The following IGF1R variants were observed in gnomAD, a reference collection of about 807,000 sequenced individuals.
IGF1R encodes insulin like growth factor 1 receptor.
A neutral mutation model predicts 144.6 loss-of-function variants in IGF1R; 44 were observed. That is an observed-to-expected ratio of 0.30 (90% CI 0.24 to 0.39). The LOEUF is 0.39. Ranked by LOEUF, IGF1R falls within the 10% of genes least tolerant of loss-of-function variation. The probability of loss-of-function intolerance (pLI) is 1.00; values close to 1 mark genes in which losing one functional copy is unlikely to be tolerated. For synonymous variants in IGF1R, 795 were observed against 722.8 expected (o/e 1.10, Z -1.60); for missense variants, 1,355 against 1,833.7 (o/e 0.74, Z 4.77).
chr15:98,845,350 C>T (rs993334096), intron 2 of IGF1R, among the ~76,000 whole-genome samples: 27 of 151,516 alleles, frequency 1.8e-4, no homozygotes, highest in African/African-American at 5.6e-4. Context: ...TCTCTCCCAA[C>T]TTCCCTTCTC....
Position 98,922,268 on chromosome 15 carries a change from G to A in IGF1R, c.2322G>A (p.Glu774=), listed in dbSNP as rs2151690918. Residue 774 remains glutamate, a synonymous_variant, in exon 11 of 21, where the codon GAG becomes GAA. Coordinates refer to ENST00000650285, the MANE Select transcript of IGF1R (RefSeq NM_000875.5). ...CCGACCCGGAAGAGCTGGAGACAGA[G>A]TACCCTTTCTTTGAGAGCAGAGTGG... The part of the protein sequence containing the change: ...NITDPEELET[E]YPFFESRVDN... 1.2e-6 allele frequency: 2 copies of A among 1,614,200 alleles called. No homozygotes were observed. Among genetic ancestry groups the A allele is most frequent in the Non-Finnish European group, 1.7e-6 (2 of 1,180,040 alleles).
intron 13 of IGF1R, among the ~76,000 whole-genome samples, chr15:98,926,241 CT>C (rs1687390026): frequency 6.6e-6 from 1 of 152,178 alleles, no homozygotes; most frequent in Admixed American, 6.5e-5. Flanking sequence ...ACCACATGAT[CT>C]TTCTGATAAT....
chr15:98,917,185 C>CA (rs2015293583), intron 10 of IGF1R, among the ~76,000 whole-genome samples: 1 of 152,094 alleles, frequency 6.6e-6, no homozygotes, highest in Non-Finnish European at 1.5e-5. Flanking sequence ...AGGGGAAACT[C>CA]AAAGAGTATT....
At chr15:98,883,702 G>T (rs540752363) in intron 2 of IGF1R, among the ~76,000 whole-genome samples, 1 of 152,302 alleles carries the variant, frequency 6.6e-6, no homozygotes, top group South Asian at 2.1e-4. Flanking sequence ...TCCTCCTCCT[G>T]TGCCAGCCGT....
intron 2 of IGF1R, among the ~76,000 whole-genome samples, chr15:98,848,381 G>T (rs2011416780): frequency 6.6e-6 from 1 of 152,166 alleles, no homozygotes; most frequent in South Asian, 2.1e-4. Flanking sequence ...CTCTCTATGG[G>T]TTTTAGAGCT....
intron 1 of IGF1R, among the ~76,000 whole-genome samples, chr15:98,679,749 C>G (rs984142286): frequency 1.3e-5 from 2 of 152,124 alleles, no homozygotes; most frequent in African/African-American, 4.8e-5. Context: ...TAGCCTCAGG[C>G]AGGTCCTTCA....
At chr15:98,782,365 T>C (rs952447890) in intron 2 of IGF1R, among the ~76,000 whole-genome samples, 14 of 152,186 alleles carry the variant, frequency 9.2e-5, no homozygotes, top group Non-Finnish European at 1.8e-4. Context: ...TTTATGTTTT[T>C]TTTACAATGA....
chr15:98,768,764 A>C (rs1372266863), intron 2 of IGF1R, among the ~76,000 whole-genome samples: 26 of 4,930 alleles, frequency 5.3e-3, no homozygotes, highest in Admixed American at 0.02. Context: ...CTAAAAATAC[A>C]AAAAAAAAAA....
chr15:98,854,693 C>T (rs925447861), intron 2 of IGF1R, among the ~76,000 whole-genome samples: 2 of 152,090 alleles, frequency 1.3e-5, no homozygotes, highest in South Asian at 2.1e-4. Flanking sequence ...CCAGGGCAGG[C>T]GGGTCTGGGA....
intron 2 of IGF1R, among the ~76,000 whole-genome samples, chr15:98,857,136 C>A (rs1267623223): frequency 6.6e-6 from 1 of 152,036 alleles, no homozygotes; most frequent in Non-Finnish European, 1.5e-5. Flanking sequence ...CAGTTGTGTG[C>A]AGTTGGAAAG....
chr15:98,664,481 A>G (rs1050177915), intron 1 of IGF1R, among the ~76,000 whole-genome samples: 5 of 152,110 alleles, frequency 3.3e-5, no homozygotes, highest in Non-Finnish European at 4.4e-5. Flanking sequence ...CCTGGCTAAC[A>G]TGGTGAAACC....
intron 2 of IGF1R, among the ~76,000 whole-genome samples, chr15:98,745,348 A>T (rs1248228179): frequency 6.6e-6 from 1 of 152,192 alleles, no homozygotes; most frequent in Non-Finnish European, 1.5e-5. Flanking sequence ...GCACTTCCCC[A>T]CTAGTGGCCC....
chr15:98,649,632 G>A lies in IGF1R; in HGVS notation c.51G>A (p.Leu17=). 6.2e-7 allele frequency: 1 copy of A among 1,607,742 alleles called. No homozygotes were observed. Among genetic ancestry groups the A allele is most frequent in the Non-Finnish European group, 8.5e-7 (1 of 1,178,690 alleles). The part of the protein sequence containing the change: ...GGSPTSLWGL[L]FLSAALSLWP... The stretch of plus-strand genomic sequence containing the variant: ...CCCCGACCTCGCTGTGGGGGCTCCT[G>A]TTTCTCTCCGCCGCGCTCTCGCTCT... The change falls in exon 1 of 21, where the codon CTG becomes CTA. Residue 17 remains leucine (L), a synonymous_variant. Transcript: ENST00000650285.
intron 13 of IGF1R, among the ~76,000 whole-genome samples, chr15:98,926,568 A>T (rs1462817881): frequency 1.3e-5 from 2 of 152,172 alleles, no homozygotes; most frequent in Non-Finnish European, 2.9e-5. Context: ...ATAAATATAC[A>T]ATTTTTATTT....
intron 2 of IGF1R, among the ~76,000 whole-genome samples, chr15:98,727,127 A>T (rs2054380390): frequency 6.6e-6 from 1 of 152,208 alleles, no homozygotes; most frequent in Non-Finnish European, 1.5e-5. Context: ...TTTTAAAACC[A>T]TTCTTTAATC....
At chr15:98,734,481 A>G (rs978756394) in intron 2 of IGF1R, among the ~76,000 whole-genome samples, 1 of 152,176 alleles carries the variant, frequency 6.6e-6, no homozygotes, top group Non-Finnish European at 1.5e-5. Context: ...AATGGCTTAC[A>G]GAGTTTATAC....
At chr15:98,776,859 G>A (rs1470386854) in intron 2 of IGF1R, among the ~76,000 whole-genome samples, 2 of 152,166 alleles carry the variant, frequency 1.3e-5, no homozygotes, top group East Asian at 1.9e-4. Context: ...CCGGAGGGGC[G>A]GCTGGATTTG....
chr15:98,852,674 G>A (rs1222134261), intron 2 of IGF1R, among the ~76,000 whole-genome samples: 1 of 152,228 alleles, frequency 6.6e-6, no homozygotes, highest in African/African-American at 2.4e-5. Flanking sequence ...CCGGAGCGAA[G>A]CGGGCCGAGC....
At position 98,922,322 on chromosome 15, in the gene IGF1R, C is replaced by T. The variant is rs765661856; in HGVS notation, c.2376C>T (p.Asn792=). ...VDNKERTVIS[N]LRPFTLYRID... is the part of the protein sequence containing the mutation. ...ACAAGGAGAGAACTGTCATTTCTAA[C>T]CTTCGGCCTTTCACATTGTACCGCA... Residue 792 remains asparagine, a synonymous_variant, in exon 11 of 21, where the codon AAC becomes AAT. Transcript: ENST00000650285. 7.4e-6 allele frequency: 12 copies of T among 1,614,076 alleles called. No individual in the cohort carries two copies. The highest frequency in any genetic ancestry group is 1.1e-5 in the South Asian group (1 of 91,092).
Sources: allele counts gnomAD v4.1 joint callset (sites outside exome capture counted in the v4.1 genomes callset), GRCh38; gene constraint gnomAD v4.1.1; transcripts MANE v1.5; gene names NCBI Gene and HGNC (gene_info 2026-07-23, HGNC 2026-07-21).